Variants in ELMO1 observed in about 807,000 individuals in gnomAD.
The protein encoded by ELMO1 is engulfment and cell motility protein 1.
ELMO1 carries 26 observed loss-of-function variants against 98.9 expected under a neutral mutation model. The ratio of observed to expected loss-of-function variants is 0.26; its 90% CI spans 0.19 to 0.36. The LOEUF is 0.36. Ranked by LOEUF, ELMO1 falls within the 10% of genes least tolerant of loss-of-function variation. ELMO1 has a pLI of 1.00. For synonymous variants in ELMO1, 346 were observed against 346.0 expected (o/e 1.00, Z 0.00); for missense variants, 627 against 935.2 (o/e 0.67, Z 4.30).
intron 15 of ELMO1, among the ~76,000 whole-genome samples, chr7:37,065,064 C>T (rs371836809): frequency 2.3e-3 from 344 of 152,192 alleles, no homozygotes; most frequent in African/African-American, 7.5e-3. Flanking sequence ...AACTCACTCC[C>T]AAACACCACC....
At chr7:36,995,163 A>C (rs893464515) in intron 16 of ELMO1, among the ~76,000 whole-genome samples, 1 of 152,234 alleles carries the variant, frequency 6.6e-6, no homozygotes, top group Non-Finnish European at 1.5e-5. Flanking sequence ...TATGCAGAAG[A>C]AACCATTTTT....
intron 15 of ELMO1, among the ~76,000 whole-genome samples, chr7:37,068,029 T>G (rs184421795): frequency 8.5e-5 from 13 of 152,292 alleles, no homozygotes; most frequent in Admixed American, 6.5e-4. Flanking sequence ...AATACTGGGC[T>G]AAGAGAATGG....
intron 15 of ELMO1, among the ~76,000 whole-genome samples, chr7:37,025,171 G>C (rs900258787): frequency 3.3e-5 from 5 of 152,188 alleles, no homozygotes; most frequent in Admixed American, 3.3e-4. Context: ...TACTGGAGCT[G>C]CTTTTAGGTC....
At chr7:36,992,681 A>C (rs925820392) in intron 16 of ELMO1, among the ~76,000 whole-genome samples, 58 of 152,340 alleles carry the variant, frequency 3.8e-4, no homozygotes, top group African/African-American at 1.4e-3. Context: ...CTTGGTTTTC[A>C]GATCTAATGA....
chr7:37,043,152 A>T (rs1795617263), intron 15 of ELMO1, among the ~76,000 whole-genome samples: 1 of 152,160 alleles, frequency 6.6e-6, no homozygotes, highest in Non-Finnish European at 1.5e-5. Flanking sequence ...CTCTCACTCC[A>T]GTCCCTTCTC....
chr7:36,887,400 T>C (rs1424529039), intron 18 of ELMO1, among the ~76,000 whole-genome samples, 160 bp downstream of exon 18: 1 of 152,162 alleles, frequency 6.6e-6, no homozygotes, highest in African/African-American at 2.4e-5. Flanking sequence ...TGATTCTCTC[T>C]GGGTGTGCAT....
At chr7:37,090,301 G>A (rs1466485877) in intron 15 of ELMO1, among the ~76,000 whole-genome samples, 1 of 152,148 alleles carries the variant, frequency 6.6e-6, no homozygotes, top group African/African-American at 2.4e-5. Context: ...GCCAGGACTG[G>A]GGTGAGCCTG....
chr7:37,026,842 A>G (rs1198538671), intron 15 of ELMO1, among the ~76,000 whole-genome samples: 2 of 152,176 alleles, frequency 1.3e-5, no homozygotes, highest in African/African-American at 2.4e-5. Flanking sequence ...AAACCTAGGG[A>G]AAGTGGAGAG....
intron 13 of ELMO1, among the ~76,000 whole-genome samples, chr7:37,174,834 T>C (rs1282764092): frequency 6.6e-6 from 1 of 152,186 alleles, no homozygotes; most frequent in Non-Finnish European, 1.5e-5. Flanking sequence ...AGCCGTCACC[T>C]TTAAATCACT....
rs553477308 is a variant in ELMO1 at position 36,952,117 on chromosome 7, C to T, written c.1438-57100G>A. 1.3e-4 allele frequency among the ~76,000 whole-genome samples: 20 copies of T among 152,312 alleles called. No homozygotes were observed. The South Asian group carries it at 1.7e-3, about 13-fold the overall frequency. On this transcript the variant is annotated intron_variant, in intron 16 of 21. Transcript: ENST00000310758. ...ATGAACAGGTGCATCCCACGCAAAC[C>T]CATGCCAGGGAGGTGTTCAGCATCT... is the stretch of plus-strand genomic sequence containing the variant.
At chr7:37,169,337 A>G (rs562704017) in intron 13 of ELMO1, among the ~76,000 whole-genome samples, 42 of 152,258 alleles carry the variant, frequency 2.8e-4, no homozygotes, top group African/African-American at 8.7e-4. Context: ...TGCATCGTGC[A>G]CTGCACCCAA....
intron 13 of ELMO1, among the ~76,000 whole-genome samples, chr7:37,183,719 A>G (rs929911549): frequency 0.019 from 17 of 910 alleles, no homozygotes; most frequent in Admixed American, 0.021. Flanking sequence ...TATATTCCAG[A>G]CTTTTTTTTT....
intron 15 of ELMO1, among the ~76,000 whole-genome samples, chr7:37,038,129 T>C (rs187670940): frequency 6.6e-6 from 1 of 152,148 alleles, no homozygotes; most frequent in Non-Finnish European, 1.5e-5. Flanking sequence ...CACTGAAAGC[T>C]AAACAAAACA....
At chr7:37,290,807 C>G (rs1232525005) in intron 4 of ELMO1, among the ~76,000 whole-genome samples, 2 of 151,802 alleles carry the variant, frequency 1.3e-5, no homozygotes, top group Non-Finnish European at 2.9e-5. Flanking sequence ...CAAGCATATG[C>G]TAAAATTCAT....
At chr7:36,894,744 G>A in intron 17 of ELMO1, 110 bp downstream of exon 17, 1 of 1,356,842 alleles carries the variant, frequency 7.4e-7, no homozygotes, top group Non-Finnish European at 1.0e-6. Flanking sequence ...GTCTTCTGCT[G>A]GCCTTCCCTG....
At chr7:37,440,251 G>A (rs1177961746) in intron 1 of ELMO1, among the ~76,000 whole-genome samples, 1 of 152,022 alleles carries the variant, frequency 6.6e-6, no homozygotes. Context: ...AGACCAGCCT[G>A]GTCAATATGG....
intron 16 of ELMO1, among the ~76,000 whole-genome samples, chr7:36,911,036 G>C (rs1784310214): frequency 6.6e-6 from 1 of 152,188 alleles, no homozygotes. Context: ...TACTGTCCCT[G>C]GTCAGGAGTT....
intron 16 of ELMO1, among the ~76,000 whole-genome samples, chr7:36,989,432 C>T (rs1791724777): frequency 1.3e-5 from 2 of 152,160 alleles, no homozygotes; most frequent in Admixed American, 6.5e-5. Context: ...GGGGCAGAAT[C>T]ACGAATATTT....
At chr7:37,047,546 T>A (rs1338336983) in intron 15 of ELMO1, among the ~76,000 whole-genome samples, 6 of 152,206 alleles carry the variant, frequency 3.9e-5, no homozygotes, top group Non-Finnish European at 8.8e-5. Flanking sequence ...ACATTAACAT[T>A]CCAGATCTTT....
Sources: gnomAD v4.1 joint callset for allele counts (sites outside exome capture counted in the v4.1 genomes callset) on GRCh38, gnomAD v4.1.1 for gene constraint, MANE v1.5 for transcripts, NCBI Gene and HGNC (gene_info 2026-07-23, HGNC 2026-07-21) for gene names.